Variants in ADGRL2 observed in about 807,000 individuals in gnomAD.
ADGRL2 encodes the protein adhesion G protein-coupled receptor L2, also known as calcium-independent alpha-latrotoxin receptor 2.
A neutral mutation model predicts 157.4 loss-of-function variants in ADGRL2; 44 were observed. The ratio of observed to expected loss-of-function variants is 0.28; its 90% CI spans 0.22 to 0.36. The LOEUF (loss-of-function observed/expected upper bound fraction) is 0.36, where lower values mean the gene tolerates loss of function less well. Among genes scored for constraint, ADGRL2 ranks in the 10% least tolerant of loss-of-function variants. The probability of loss-of-function intolerance (pLI) is 1.00; values close to 1 mark genes in which losing one functional copy is unlikely to be tolerated. For missense variants in ADGRL2, 1,510 were observed against 1,768.9 expected (o/e 0.85, Z 2.63); for synonymous variants, 585 against 624.7 (o/e 0.94, Z 0.95).
Position 81,566,833 on chromosome 1 carries a change from T to A in ADGRL2, c.-247-14043T>A, listed in dbSNP as rs57882264. Among the ~76,000 whole-genome samples the A allele has an allele frequency of 1.9e-3, 282 of 152,278 alleles. 1 individual carries two copies. Among genetic ancestry groups the A allele is most frequent in the African/African-American group, 6.6e-3 (273 of 41,576 alleles). On this transcript the variant is annotated intron_variant, in intron 2 of 24. Coordinates refer to the ADGRL2 transcript ENST00000370721. ...TATTATCTGATAGCATTTTATTTATTCTGAAAATATTTCTCGATATTTCAG... is the reference window on the plus strand; with the variant it reads ...TATTATCTGATAGCATTTTATTTATACTGAAAATATTTCTCGATATTTCAG...
rs78723773 is a variant in ADGRL2, at chr1:81,869,989, G to C, written c.73+32932G>C. ...TATATATCATGTCAAAATTTAAAAAGTAGGAAATGCACATTTTCCTTACAA... is the reference window on the plus strand; with the variant it reads ...TATATATCATGTCAAAATTTAAAAACTAGGAAATGCACATTTTCCTTACAA... On this transcript the variant is annotated intron_variant, in intron 2 of 23. Transcript: ENST00000686636. Among the ~76,000 whole-genome samples the C allele has an allele frequency of 1.7e-3, 254 of 151,948 alleles. 8 individuals are homozygous for C. The East Asian group carries it at 0.044, about 26-fold the overall frequency.
At chr1:81,860,538 A>G (rs1470500068) in intron 2 of ADGRL2, among the ~76,000 whole-genome samples, 3 of 152,118 alleles carry the variant, frequency 2.0e-5, no homozygotes, top group Admixed American at 1.3e-4. Flanking sequence ...AAATTTTATA[A>G]TCATATAATG....
Position 81,400,857 on chromosome 1 carries a change from T to C in ADGRL2, c.-301-44179T>C, listed in dbSNP as rs143393974. Among the ~76,000 whole-genome samples the C allele has an allele frequency of 1.6e-3, 243 of 152,100 alleles. 1 individual carries two copies. The highest frequency in any genetic ancestry group is 5.3e-3 in the African/African-American group (220 of 41,486). ...GTAGAGTACTAGAGTTATTTGGCCT[T>C]TAGGGTGTGATGTCTTAGCTCAGCC... On this transcript the variant is annotated intron_variant, in intron 1 of 24. Transcript: ENST00000370721.
intron 1 of ADGRL2, among the ~76,000 whole-genome samples, chr1:81,332,151 A>C (rs1468023007): frequency 5.9e-5 from 9 of 152,188 alleles, no homozygotes; most frequent in Non-Finnish European, 1.2e-4. Context: ...AAGAAAAAAA[A>C]CATTTTTTGT....
intron 2 of ADGRL2, among the ~76,000 whole-genome samples, chr1:81,521,729 CTTTAGT>C (rs2079319613): frequency 6.6e-6 from 1 of 152,094 alleles, no homozygotes; most frequent in Non-Finnish European, 1.5e-5. Flanking sequence ...TCTTTCCACA[CTTTAGT>C]TAGGTGATTG....
rs185708835 is a variant in ADGRL2 at position 81,833,230 on chromosome 1, T to C, written c.-100-3655T>C. 1.3e-4 allele frequency among the ~76,000 whole-genome samples: 20 copies of C among 152,352 alleles called. No homozygotes were observed. The East Asian group carries it at 3.1e-3, about 24-fold the overall frequency. On this transcript the variant is annotated intron_variant, in intron 1 of 23. Transcript: ENST00000686636. ...ATAGAATTTAGGCTTACCTAAAACA[T>C]TAATGTTTCATTTTACACAGCATTA... is the stretch of plus-strand genomic sequence containing the variant.
chr1:81,697,767 ATTTAGATGTT>A (rs1385070964), upstream of ADGRL2, among the ~76,000 whole-genome samples: 8 of 152,292 alleles, frequency 5.3e-5, no homozygotes, highest in Admixed American at 1.3e-4. Flanking sequence ...TATGAAAAAG[ATTTAGATGTT>A]TTTAGATGTT....
At chr1:81,983,448 A>G (rs1470367988) in intron 19 of ADGRL2, among the ~76,000 whole-genome samples, 1 of 152,020 alleles carries the variant, frequency 6.6e-6, no homozygotes, top group Admixed American at 6.6e-5. Flanking sequence ...TAAAAAGATG[A>G]AAATGTAAGT....
intron 3 of ADGRL2, among the ~76,000 whole-genome samples, chr1:81,668,414 CAA>C (rs67441939): frequency 5.3e-4 from 67 of 126,130 alleles, no homozygotes; most frequent in Admixed American, 7.9e-4. Flanking sequence ...GTAACACTGT[CAA>C]AAAAAAAAAA....
chr1:81,568,060 G>GA (rs922417274), intron 2 of ADGRL2, among the ~76,000 whole-genome samples: 5 of 148,976 alleles, frequency 3.4e-5, no homozygotes, highest in Non-Finnish European at 6.0e-5. Flanking sequence ...CAATGGCTTC[G>GA]AAAAAAAAAT....
At chr1:81,672,432 T>A (rs886366723) in intron 3 of ADGRL2, among the ~76,000 whole-genome samples, 1 of 152,198 alleles carries the variant, frequency 6.6e-6, no homozygotes, top group Non-Finnish European at 1.5e-5. Context: ...GGAACATCTT[T>A]ACAAGCTAAA....
chr1:81,682,519 G>A (rs942818754), intron 3 of ADGRL2, among the ~76,000 whole-genome samples: 2 of 152,088 alleles, frequency 1.3e-5, no homozygotes, highest in South Asian at 2.1e-4. Context: ...TGGCCATAAC[G>A]TGGCTGCATG....
chr1:81,621,452 G>A (rs993189342), intron 3 of ADGRL2, among the ~76,000 whole-genome samples: 1 of 152,152 alleles, frequency 6.6e-6, no homozygotes, highest in Non-Finnish European at 1.5e-5. Context: ...TGCTGTCCTG[G>A]AAGCCATGTT....
chr1:81,664,959 A>G (rs2082725527), intron 3 of ADGRL2, among the ~76,000 whole-genome samples: 1 of 152,126 alleles, frequency 6.6e-6, no homozygotes, highest in Non-Finnish European at 1.5e-5. Flanking sequence ...GAGGCTAAGA[A>G]TACGATAAAC....
At chr1:81,808,901 G>A (rs1159221221) in intron 1 of ADGRL2, among the ~76,000 whole-genome samples, 2 of 152,056 alleles carry the variant, frequency 1.3e-5, no homozygotes, top group Non-Finnish European at 2.9e-5. Flanking sequence ...GCTGTTTTTA[G>A]GTCATGAAGT....
intron 1 of ADGRL2, chr1:81,414,408 T>G (rs1235237178): frequency 6.6e-6 from 1 of 152,252 alleles, no homozygotes; most frequent in African/African-American, 2.4e-5. Flanking sequence ...CTGGTTGTTT[T>G]AAAAACTGAT....
chr1:81,859,928 T>TC (rs1453106066), intron 2 of ADGRL2, among the ~76,000 whole-genome samples: 1 of 151,568 alleles, frequency 6.6e-6, no homozygotes, highest in African/African-American at 2.4e-5. Flanking sequence ...GTTTTTTTTT[T>TC]CCCCCATAAA....
chr1:81,855,449 C>CA (rs968802548), intron 2 of ADGRL2, among the ~76,000 whole-genome samples: 15 of 151,816 alleles, frequency 9.9e-5, no homozygotes, highest in East Asian at 3.9e-4. Context: ...TCAAAAAAAC[C>CA]AAAAAAACAA....
intron 1 of ADGRL2, among the ~76,000 whole-genome samples, chr1:81,376,185 A>C (rs1213268690): frequency 6.6e-6 from 1 of 152,206 alleles, no homozygotes; most frequent in Non-Finnish European, 1.5e-5. Flanking sequence ...TTCAATTCAA[A>C]ACTGTAAAAT....
Sources: gnomAD v4.1 joint callset for allele counts (sites outside exome capture counted in the v4.1 genomes callset) on GRCh38, gnomAD v4.1.1 for gene constraint, MANE v1.5 for transcripts, NCBI Gene and HGNC (gene_info 2026-07-23, HGNC 2026-07-21) for gene names.